The following PRKN variants were observed in gnomAD, a reference collection of about 807,000 sequenced individuals.
PRKN encodes parkin RBR E3 ubiquitin protein ligase, also known as E3 ubiquitin-protein ligase parkin.
Under a neutral mutation model 59.5 loss-of-function variants are expected in PRKN, and 56 were observed. That is an observed-to-expected ratio of 0.94 (90% CI 0.76 to 1.18). The LOEUF (loss-of-function observed/expected upper bound fraction) is 1.18, where lower values mean the gene tolerates loss of function less well. Ranked by LOEUF, PRKN falls within the 50% of genes most tolerant of loss-of-function variation. The probability of loss-of-function intolerance (pLI) is 0.00; values close to 1 mark genes in which losing one functional copy is unlikely to be tolerated. For missense variants in PRKN, 657 were observed against 596.4 expected (o/e 1.10, Z -1.06); for synonymous variants, 250 against 222.1 (o/e 1.13, Z -1.12).
intron 2 of PRKN, among the ~76,000 whole-genome samples, chr6:162,407,749 CATT>C (rs1788144131): frequency 6.6e-6 from 1 of 150,496 alleles, no homozygotes; most frequent in Admixed American, 6.6e-5. Flanking sequence ...AAATAGATGG[CATT>C]ATTATTAAGA....
intron 2 of PRKN, among the ~76,000 whole-genome samples, chr6:162,346,865 A>C (rs550247972): frequency 6.6e-6 from 1 of 152,126 alleles, no homozygotes; most frequent in Non-Finnish European, 1.5e-5. Flanking sequence ...TGTGAGATAT[A>C]TATCTATGGA....
At chr6:162,376,332 TAGAGTGGCAAATTGTATTATATTACC>T (rs1786079438) in intron 2 of PRKN, among the ~76,000 whole-genome samples, 1 of 152,106 alleles carries the variant, frequency 6.6e-6, no homozygotes, top group Non-Finnish European at 1.5e-5. Flanking sequence ...AAAAGAACAC[TAGAGTGGCAAATTGTATTATATTACC>T]AGTTTTACAC....
chr6:161,564,493 T>C (rs1241791599), intron 8 of PRKN, among the ~76,000 whole-genome samples: 1 of 152,168 alleles, frequency 6.6e-6, no homozygotes, highest in Non-Finnish European at 1.5e-5. Context: ...TTTCTCAATG[T>C]TTTTCTTACA....
In PRKN at chr6:161,585,640, T is replaced by C. The variant is rs1781495879; in HGVS notation, c.872-16224A>G. Among the ~76,000 whole-genome samples the C allele has an allele frequency of 2.0e-5, 3 of 152,228 alleles. No individual in the cohort carries two copies. In the South Asian group the frequency reaches 6.2e-4, roughly 32 times the overall value. ...ATTTCTTGTCCCTGGAGTGGATGTATGTAGACATCAACATTTTAAGACACA... is the reference window on the plus strand; with the variant it reads ...ATTTCTTGTCCCTGGAGTGGATGTACGTAGACATCAACATTTTAAGACACA... On this transcript the variant is annotated intron_variant, in intron 7 of 11. Coordinates refer to ENST00000366898, the MANE Select transcript of PRKN (RefSeq NM_004562.3).
intron 3 of PRKN, among the ~76,000 whole-genome samples, chr6:162,216,747 C>G (rs184764431): frequency 6.6e-6 from 1 of 152,082 alleles, no homozygotes; most frequent in African/African-American, 2.4e-5. Context: ...CAGCCACTCA[C>G]GGACACAGTG....
rs145837874 is a variant in PRKN, at chr6:161,829,345, C to T, written c.735-43437G>A. Among the ~76,000 whole-genome samples the T allele has an allele frequency of 6.2e-3, 944 of 152,316 alleles. 7 individuals are homozygous for T. The highest frequency in any genetic ancestry group is 0.027 in the Middle Eastern group (8 of 294). ...CCTTTGCCAACCACAGTCTGGTCTG[C>T]AGGGCTTTCTTCCAAGTAGACTGCA... is the stretch of plus-strand genomic sequence containing the variant. On this transcript the variant is annotated intron_variant, in intron 6 of 11. Transcript: ENST00000366898.
intron 2 of PRKN, among the ~76,000 whole-genome samples, chr6:162,278,880 A>G (rs1780749687): frequency 6.6e-6 from 1 of 152,192 alleles, no homozygotes; most frequent in South Asian, 2.1e-4. Context: ...ACAAAGAAAG[A>G]TAAAGCAAAT....
chr6:162,094,497 ATAAAG>A (rs995299450), intron 4 of PRKN, among the ~76,000 whole-genome samples: 10 of 152,288 alleles, frequency 6.6e-5, no homozygotes, highest in Non-Finnish European at 1.5e-4. Flanking sequence ...AAATAAACAA[ATAAAG>A]TAATTAATTA....
rs548445352 is a variant in PRKN, at chr6:162,322,411, A to C, written c.172-59646T>G. 1.4e-4 allele frequency among the ~76,000 whole-genome samples: 22 copies of C among 152,252 alleles called. No homozygotes were observed. In the South Asian group the frequency reaches 4.6e-3, roughly 32 times the overall value. Reference sequence around the variant, plus strand: ...ACAGATTGTCAATCAAAATCTTAGAAGATGGTGATAGAAACTGACAAGCTA... The same window carrying C: ...ACAGATTGTCAATCAAAATCTTAGACGATGGTGATAGAAACTGACAAGCTA... On this transcript the variant is annotated intron_variant, in intron 2 of 11. Coordinates refer to ENST00000366898, the MANE Select transcript of PRKN (RefSeq NM_004562.3).
rs1346234750 is a variant in PRKN, at chr6:161,423,635, G to A, written c.1084-36758C>T. Among the ~76,000 whole-genome samples the A allele has an allele frequency of 6.6e-6, 1 of 152,164 alleles. No homozygotes were observed. Among genetic ancestry groups the A allele is most frequent in the African/African-American group, 2.4e-5 (1 of 41,432 alleles). ...CATAAAATTGGCTGGTCTGTTTAAA[G>A]CTGCCTCTTTCTGGAAGCTTCCTCT... On this transcript the variant is annotated intron_variant, in intron 9 of 11. Transcript: ENST00000366898. The surrounding 1 kb of genome is among the most constrained non-coding windows in gnomAD (Gnocchi z 5.9).
chr6:162,533,157 T>C (rs1359855989), intron 1 of PRKN, among the ~76,000 whole-genome samples: 2 of 152,196 alleles, frequency 1.3e-5, no homozygotes, highest in African/African-American at 2.4e-5. Flanking sequence ...GGAAGGACAG[T>C]CTCTCAAGAC....
At chr6:162,711,271 G>C (rs1293100146) in intron 1 of PRKN, among the ~76,000 whole-genome samples, 1 of 152,178 alleles carries the variant, frequency 6.6e-6, no homozygotes, top group African/African-American at 2.4e-5. Context: ...CAGACTGGCA[G>C]ATTAAAGAGC....
chr6:162,459,311 T>C (rs1791050455), intron 1 of PRKN, among the ~76,000 whole-genome samples: 1 of 152,104 alleles, frequency 6.6e-6, no homozygotes, highest in Non-Finnish European at 1.5e-5. Flanking sequence ...ACAGAAGTTA[T>C]AAATAATATT....
intron 1 of PRKN, among the ~76,000 whole-genome samples, chr6:162,689,179 C>T (rs1200853098): frequency 6.6e-6 from 1 of 152,298 alleles, no homozygotes; most frequent in South Asian, 2.1e-4. Flanking sequence ...GGCTCTGCAA[C>T]CCTGTGGGTT....
chr6:161,796,866 C>T (rs976974825), intron 6 of PRKN, among the ~76,000 whole-genome samples: 2 of 152,200 alleles, frequency 1.3e-5, no homozygotes, highest in Non-Finnish European at 2.9e-5. Flanking sequence ...ATGCACATAT[C>T]TTGTCTTTGT....
Position 162,043,679 on chromosome 6 carries a change from A to G in PRKN, c.618+10412T>C, listed in dbSNP as rs141051849. Among the ~76,000 whole-genome samples, 649 of 152,362 alleles carry G rather than the reference A, an allele frequency of 4.3e-3. 4 individuals carry two copies. Among genetic ancestry groups the G allele is most frequent in the Non-Finnish European group, 6.9e-3 (472 of 68,044 alleles). ...CAGATAGTCTCAAAGTTCACTTTAC[A>G]TAGTAACCCATTTTGTCTCCCCTCT... On this transcript the variant is annotated intron_variant, in intron 5 of 11. Coordinates refer to ENST00000366898, the MANE Select transcript of PRKN (RefSeq NM_004562.3).
intron 6 of PRKN, among the ~76,000 whole-genome samples, chr6:161,889,967 TA>T (rs1477542907): frequency 1.3e-5 from 2 of 152,170 alleles, no homozygotes; most frequent in Non-Finnish European, 2.9e-5. Flanking sequence ...ATACATTTAG[TA>T]ATCAGTATAT....
At chr6:162,272,586 T>A (rs982449606) in intron 2 of PRKN, among the ~76,000 whole-genome samples, 1 of 152,050 alleles carries the variant, frequency 6.6e-6, no homozygotes, top group African/African-American at 2.4e-5. Flanking sequence ...CAGAACCACA[T>A]GCGAGTTTAT....
intron 6 of PRKN, among the ~76,000 whole-genome samples, chr6:161,906,676 G>GATATATATATATATATATATATATATATA (rs1778159828): frequency 9.4e-6 from 1 of 106,782 alleles, no homozygotes; most frequent in Non-Finnish European, 2.1e-5. Context: ...ATATATATAT[G>GATATATATATATATATATATATATATATA]TATATATGAG....
Sources: gnomAD v4.1 joint callset for allele counts (sites outside exome capture counted in the v4.1 genomes callset) on GRCh38, gnomAD v4.1.1 for gene constraint, Gnocchi (gnomAD v3.1) non-coding constraint, MANE v1.5 for transcripts, NCBI Gene and HGNC (gene_info 2026-07-23, HGNC 2026-07-21) for gene names.